The following CYP3A43 variants were observed in gnomAD, a reference collection of about 807,000 sequenced individuals.
The protein encoded by CYP3A43 is cytochrome P450 3A43.
In CYP3A43, 45 loss-of-function variants were observed where a neutral mutation model predicts 58.0. The ratio of observed to expected loss-of-function variants is 0.78; its 90% confidence interval spans 0.61 to 0.99. The LOEUF is 0.99. CYP3A43 is among the 50% of genes least tolerant of loss of function. The pLI is 0.00. For synonymous variants in CYP3A43, 191 were observed against 201.4 expected (o/e 0.95, Z 0.44); for missense variants, 593 against 591.9 (o/e 1.00, Z -0.02).
intron 9 of CYP3A43, among the ~76,000 whole-genome samples, chr7:99,859,059 G>A (rs1211764392): frequency 2.6e-5 from 4 of 152,014 alleles, no homozygotes; most frequent in Non-Finnish European, 4.4e-5. Context: ...TTTTGTCTCT[G>A]TAGCTTTCGT....
intron 12 of CYP3A43, 40 bp downstream of exon 12, chr7:99,863,739 T>TAC: frequency 6.9e-7 from 1 of 1,444,684 alleles, no homozygotes; most frequent in African/African-American, 1.4e-5. Flanking sequence ...ATTGGGAGTT[T>TAC]TTTAAACTGA....
chr7:99,849,752 A>G, intron 7 of CYP3A43, 58 bp downstream of exon 7: 1 of 1,477,710 alleles, frequency 6.8e-7, no homozygotes, highest in Non-Finnish European at 9.0e-7. Context: ...ATTTTTAAAA[A>G]CAGTTTTATT....
In CYP3A43 at chr7:99,855,703, C is replaced by A. The variant is rs192997615; in HGVS notation, c.783C>A (p.Leu261=). 217 of 1,607,654 alleles carry A rather than the reference C, an allele frequency of 1.3e-4. No homozygotes were observed. The highest frequency in any genetic ancestry group is 8.7e-4 in the Admixed American group (51 of 58,754). ...NSIERMKESR[L]KDKQKHRVDF... is the part of the protein sequence containing the mutation. ...TTGAAAGGATGAAAGAAAGTCGCCT[C>A]AAAGATAAACAAAAGGTAAAATCTG... Residue 261 remains leucine (L), a synonymous_variant, in exon 8 of 13, where the codon CTC becomes CTA. Transcript: ENST00000354829.
chr7:99,845,638 A>G (rs979985051), intron 4 of CYP3A43, among the ~76,000 whole-genome samples: 3 of 152,138 alleles, frequency 2.0e-5, no homozygotes, highest in African/African-American at 7.2e-5. Flanking sequence ...TCTGTTTCTC[A>G]TTCACTGTTT....
chr7:99,845,781 C>CTT (rs1175348641), intron 4 of CYP3A43, among the ~76,000 whole-genome samples: 1 of 124,794 alleles, frequency 8.0e-6, no homozygotes, highest in Non-Finnish European at 1.6e-5. Flanking sequence ...CTTGTTTTTG[C>CTT]TTTTTTTTTT....
intron 10 of CYP3A43, 101 bp downstream of exon 10, chr7:99,860,091 TC>T: frequency 1.4e-6 from 2 of 1,401,208 alleles, no homozygotes; most frequent in South Asian, 2.8e-5. Flanking sequence ...AGCGTAAGCA[TC>T]AGTTCTTTCA....
At chr7:99,852,274 T>C (rs556411002) in intron 7 of CYP3A43, among the ~76,000 whole-genome samples, 1 of 152,368 alleles carries the variant, frequency 6.6e-6, no homozygotes, top group South Asian at 2.1e-4. Context: ...TTGTTCTGGC[T>C]ACTCTGCATC....
intron 3 of CYP3A43, among the ~76,000 whole-genome samples, chr7:99,842,282 T>A (rs73393676): frequency 6.6e-6 from 1 of 152,220 alleles, no homozygotes; most frequent in Non-Finnish European, 1.5e-5. Flanking sequence ...ATTTTTGCCA[T>A]TTTAATAAAA....
chr7:99,832,630 T>C (rs558068053), intron 1 of CYP3A43, among the ~76,000 whole-genome samples: 59 of 151,554 alleles, frequency 3.9e-4, no homozygotes, highest in Non-Finnish European at 7.4e-4. Flanking sequence ...ACATGGCACA[T>C]ATATACATAT....
chr7:99,833,489 AG>A (rs1328437026), intron 1 of CYP3A43, among the ~76,000 whole-genome samples: 4 of 152,224 alleles, frequency 2.6e-5, no homozygotes, highest in African/African-American at 9.6e-5. Flanking sequence ...CTAGGGAAAC[AG>A]GGTCTTTGCA....
chr7:99,832,834 C>T (rs924209423), intron 1 of CYP3A43, among the ~76,000 whole-genome samples: 4 of 152,100 alleles, frequency 2.6e-5, no homozygotes, highest in African/African-American at 9.7e-5. Flanking sequence ...TTTTAAGTTT[C>T]CTGAGGCCTC....
intron 2 of CYP3A43, among the ~76,000 whole-genome samples, chr7:99,837,027 T>C (rs1004066028): frequency 1.3e-5 from 2 of 151,486 alleles, no homozygotes; most frequent in African/African-American, 4.9e-5. Flanking sequence ...GTTCATTGGC[T>C]GGGCGCGGTG....
intron 9 of CYP3A43, among the ~76,000 whole-genome samples, chr7:99,857,700 G>A (rs896825326): frequency 3.8e-4 from 58 of 152,104 alleles, no homozygotes; most frequent in South Asian, 6.2e-4. Flanking sequence ...AAAACTAGCC[G>A]GGTGTGGTGG....
intron 2 of CYP3A43, among the ~76,000 whole-genome samples, chr7:99,837,449 A>G (rs1246413704): frequency 6.6e-6 from 1 of 152,144 alleles, no homozygotes; most frequent in East Asian, 1.9e-4. Context: ...AGGTAGTTCC[A>G]CAGTTGTGCT....
intron 1 of CYP3A43, among the ~76,000 whole-genome samples, chr7:99,829,224 A>G (rs1816744905): frequency 6.6e-6 from 1 of 152,238 alleles, no homozygotes; most frequent in Admixed American, 6.5e-5. Flanking sequence ...TCATCAAGAC[A>G]GGGGAATTGT....
chr7:99,853,581 AC>A (rs1289242370), intron 7 of CYP3A43, among the ~76,000 whole-genome samples: 1 of 151,470 alleles, frequency 6.6e-6, no homozygotes, highest in African/African-American at 2.4e-5. Context: ...TTTGAGATGG[AC>A]TTTTGCTCTT....
At chr7:99,832,548 G>T (rs1816888675) in intron 1 of CYP3A43, among the ~76,000 whole-genome samples, 1 of 128,706 alleles carries the variant, frequency 7.8e-6, no homozygotes, top group Admixed American at 7.9e-5. Flanking sequence ...TGTGGGGTGG[G>T]GGGAGGGGGG....
intron 6 of CYP3A43, among the ~76,000 whole-genome samples, chr7:99,848,928 TC>T (rs770711118): frequency 6.1e-4 from 93 of 152,378 alleles, no homozygotes; most frequent in Non-Finnish European, 1.1e-3. Flanking sequence ...TTTGGAGTGA[TC>T]TATTTGTTTA....
chr7:99,836,471 T>C lies in CYP3A43; in HGVS notation c.90T>C (p.His30=). ...TTTATAGTTATGGGACCCATTCACA[T>C]AAACTTTTTAAGAAGCTGGGAATTC... ...VLLYIYGTHS[H]KLFKKLGIPG... is the part of the protein sequence containing the mutation. Residue 30 remains histidine, a synonymous_variant, in exon 2 of 13, where the codon CAT becomes CAC. Transcript: ENST00000354829. 2 of 1,610,066 alleles carry C rather than the reference T, an allele frequency of 1.2e-6. No individual in the cohort carries two copies. The highest frequency in any genetic ancestry group is 8.5e-7 in the Non-Finnish European group (1 of 1,179,116).
Sources: gnomAD v4.1 joint callset for allele counts (sites outside exome capture counted in the v4.1 genomes callset) on GRCh38, gnomAD v4.1.1 for gene constraint, MANE v1.5 for transcripts, NCBI Gene and HGNC (gene_info 2026-07-23, HGNC 2026-07-21) for gene names.